The following DENND2A variants were observed in gnomAD, a reference collection of about 807,000 sequenced individuals.
The protein encoded by DENND2A is DENN domain containing 2A.
Under a neutral mutation model 105.3 loss-of-function variants are expected in DENND2A, and 53 were observed. That is an observed-to-expected ratio of 0.50 (90% confidence interval 0.40 to 0.63). The LOEUF (loss-of-function observed/expected upper bound fraction) is 0.63, where lower values mean the gene tolerates loss of function less well. Among genes scored for constraint, DENND2A ranks in the 30% least tolerant of loss-of-function variants. The pLI, the probability that DENND2A is intolerant of heterozygous loss-of-function variation, is 0.00. For missense variants in DENND2A, 1,138 were observed against 1,279.6 expected, an observed-to-expected ratio of 0.89 and a Z score of 1.69; for synonymous variants, 522 against 508.4, an observed-to-expected ratio of 1.03 and a Z score of -0.36.
intron 4 of DENND2A, among the ~76,000 whole-genome samples, chr7:140,586,398 CACACACACAA>C (rs1303239839): frequency 6.7e-6 from 1 of 149,336 alleles, no homozygotes; most frequent in East Asian, 1.9e-4. Flanking sequence ...CACACACACA[CACACACACAA>C]ATTAACTGAG....
chr7:140,555,534 G>A (rs1797324631), intron 12 of DENND2A, 102 bp downstream of exon 12: 6 of 957,170 alleles, frequency 6.3e-6, no homozygotes, highest in South Asian at 6.0e-5. Flanking sequence ...AGTAGGTAGA[G>A]AATAAGATGA....
chr7:140,632,255 G>C (rs1800758067), intron 1 of DENND2A, among the ~76,000 whole-genome samples: 1 of 152,194 alleles, frequency 6.6e-6, no homozygotes, highest in African/African-American at 2.4e-5. Context: ...AGTGAAAGTA[G>C]AATCTGACTC....
intron 3 of DENND2A, among the ~76,000 whole-genome samples, chr7:140,591,336 G>A (rs1799009370): frequency 6.6e-6 from 1 of 152,142 alleles, no homozygotes. Context: ...GGTTATTCAC[G>A]TTGCAAAACT....
chr7:140,570,518 T>C (rs1639985), intron 6 of DENND2A, among the ~76,000 whole-genome samples: 66,949 of 152,022 alleles, frequency 0.44, 15,177 homozygotes, highest in African/African-American at 0.52. Context: ...GAACCGGGAT[T>C]AGAACTGCTC....
At chr7:140,598,435 G>A (rs985264754) in intron 3 of DENND2A, among the ~76,000 whole-genome samples, 4 of 152,192 alleles carry the variant, frequency 2.6e-5, no homozygotes, top group African/African-American at 7.2e-5. Flanking sequence ...TCAGCACTAC[G>A]ATTTAACACT....
intron 1 of DENND2A, among the ~76,000 whole-genome samples, chr7:140,615,745 G>GT (rs1292148811): frequency 1.3e-5 from 2 of 151,434 alleles, no homozygotes; most frequent in Non-Finnish European, 2.9e-5. Context: ...GGGTTTTGGG[G>GT]TTTTGCCACG....
At chr7:140,568,916 G>T in intron 7 of DENND2A, 103 bp from the exon 8 acceptor site, 1 of 1,200,828 alleles carries the variant, frequency 8.3e-7, no homozygotes, top group Non-Finnish European at 1.2e-6. Flanking sequence ...ATTCAGAGGG[G>T]ATGTTGAGTT....
upstream of DENND2A, chr7:140,641,450 AG>A (rs1319793989): frequency 6.6e-6 from 1 of 152,208 alleles, no homozygotes; most frequent in Non-Finnish European, 1.5e-5. Context: ...AGAAGTCCGC[AG>A]GGAAATGCCG....
intron 5 of DENND2A, among the ~76,000 whole-genome samples, chr7:140,578,338 C>G (rs913228188): frequency 3.3e-5 from 5 of 152,126 alleles, no homozygotes; most frequent in Admixed American, 2.6e-4. Flanking sequence ...GCTGGTGGCT[C>G]AATTCCTTCC....
chr7:140,557,066 G>T (rs144945934), intron 11 of DENND2A, among the ~76,000 whole-genome samples: 1 of 151,948 alleles, frequency 6.6e-6, no homozygotes, highest in Non-Finnish European at 1.5e-5. Flanking sequence ...AAAAAAATTC[G>T]CTTAAAGAGA....
chr7:140,606,990 A>G (rs747776894), intron 1 of DENND2A, among the ~76,000 whole-genome samples: 14 of 152,254 alleles, frequency 9.2e-5, no homozygotes, highest in Non-Finnish European at 1.5e-4. Context: ...GAAGGCCAAC[A>G]GGATGGGCCA....
chr7:140,562,706 G>T (rs532454167), intron 9 of DENND2A, among the ~76,000 whole-genome samples: 1 of 152,170 alleles, frequency 6.6e-6, no homozygotes, highest in African/African-American at 2.4e-5. Context: ...CCCGCTTCCA[G>T]TATGATTCCC....
intron 7 of DENND2A, among the ~76,000 whole-genome samples, chr7:140,569,261 C>T (rs1199784064): frequency 2.0e-5 from 3 of 152,186 alleles, no homozygotes; most frequent in South Asian, 2.1e-4. Context: ...GCACAAACCA[C>T]GTCTCGTCCA....
chr7:140,582,543 A>T (rs907982734), intron 5 of DENND2A, among the ~76,000 whole-genome samples: 34 of 152,226 alleles, frequency 2.2e-4, no homozygotes, highest in Non-Finnish European at 5.0e-4. Flanking sequence ...TTTCCATATG[A>T]GAAGAGAAAT....
At chr7:140,616,991 G>A (rs1800104763) in intron 1 of DENND2A, among the ~76,000 whole-genome samples, 1 of 152,176 alleles carries the variant, frequency 6.6e-6, no homozygotes, top group East Asian at 1.9e-4. Flanking sequence ...CTGAGTAGCT[G>A]GGACTCCTGG....
intron 8 of DENND2A, 33 bp from the exon 9 acceptor site, chr7:140,567,306 G>T: frequency 8.6e-6 from 4 of 466,606 alleles, no homozygotes; most frequent in Non-Finnish European, 1.1e-5. Context: ...AAGAGAGAAA[G>T]AGAGAGAGAG....
chr7:140,539,552 C>A (rs1051027673), intron 14 of DENND2A, among the ~76,000 whole-genome samples: 6 of 152,220 alleles, frequency 3.9e-5, no homozygotes, highest in African/African-American at 1.4e-4. Context: ...CTGGAGTCTG[C>A]AGCCCAGCTG....
At chr7:140,639,301 G>C (rs916192081) in intron 1 of DENND2A, among the ~76,000 whole-genome samples, 8 of 151,800 alleles carry the variant, frequency 5.3e-5, no homozygotes, top group African/African-American at 1.7e-4. Context: ...GCAGTGGGTC[G>C]AGATTGCACT....
intron 15 of DENND2A, among the ~76,000 whole-genome samples, chr7:140,526,449 G>A (rs1184884359): frequency 6.6e-6 from 1 of 152,206 alleles, no homozygotes; most frequent in African/African-American, 2.4e-5. Context: ...GACGGAGGAG[G>A]AGCCAGGGGC....
Sources: gnomAD v4.1 joint callset for allele counts (sites outside exome capture counted in the v4.1 genomes callset) on GRCh38, gnomAD v4.1.1 for gene constraint, MANE v1.5 for transcripts, NCBI Gene and HGNC (gene_info 2026-07-23, HGNC 2026-07-21) for gene names.